FNIP1: variants seen among roughly 807,000 people sequenced by gnomAD.
FNIP1 encodes folliculin interacting protein 1.
Under a neutral mutation model 124.5 loss-of-function variants are expected in FNIP1, and 40 were observed. The ratio of observed to expected loss-of-function variants is 0.32; its 90% CI spans 0.25 to 0.42. The LOEUF is 0.42. Among genes scored for constraint, FNIP1 ranks in the 10% least tolerant of loss-of-function variants. The probability of loss-of-function intolerance (pLI) is 1.00; values close to 1 mark genes in which losing one functional copy is unlikely to be tolerated. For synonymous variants in FNIP1, 472 were observed against 470.6 expected, an observed-to-expected ratio of 1.00 and a Z score of -0.04; for missense variants, 1,176 against 1,403.7, an observed-to-expected ratio of 0.84 and a Z score of 2.59.
intron 1 of FNIP1, among the ~76,000 whole-genome samples, chr5:131,785,928 T>C (rs758650701): frequency 3.3e-5 from 5 of 152,196 alleles, no homozygotes; most frequent in Non-Finnish European, 7.3e-5. Flanking sequence ...TATTCTAAAG[T>C]AACTAGAAAT....
At chr5:131,777,833 TG>T (rs1303696568) in intron 1 of FNIP1, among the ~76,000 whole-genome samples, 3 of 152,190 alleles carry the variant, frequency 2.0e-5, no homozygotes, top group Non-Finnish European at 2.9e-5. Flanking sequence ...TACAAATTCC[TG>T]GGGGTGGGGT....
At chr5:131,737,925 C>T (rs1396543389) in intron 2 of FNIP1, among the ~76,000 whole-genome samples, 1 of 152,182 alleles carries the variant, frequency 6.6e-6, no homozygotes, top group African/African-American at 2.4e-5. Context: ...GCACCAGTTT[C>T]GTGCAAGACA....
chr5:131,759,036 G>A (rs990614906), intron 1 of FNIP1, among the ~76,000 whole-genome samples: 11 of 152,036 alleles, frequency 7.2e-5, no homozygotes, highest in Non-Finnish European at 1.6e-4. Flanking sequence ...TTAAATAAAA[G>A]GTGCTGGGAT....
intron 1 of FNIP1, among the ~76,000 whole-genome samples, chr5:131,758,585 T>C (rs1771124518): frequency 6.6e-6 from 1 of 152,240 alleles, no homozygotes; most frequent in Non-Finnish European, 1.5e-5. Flanking sequence ...TATTTAAACG[T>C]TGGTAAGAAA....
rs140177134 is a variant in FNIP1, at chr5:131,791,923, T to C, written c.92+4907A>G. On this transcript the variant is annotated intron_variant, in intron 1 of 17. Coordinates refer to ENST00000510461, the MANE Select transcript of FNIP1 (RefSeq NM_133372.3). ...TAGCAAATTAGCAAAAGCCATACTA[T>C]GTAGAATGGGCAAAAGCCATCCTTT... Among the ~76,000 whole-genome samples the C allele has an allele frequency of 4.2e-3, 643 of 152,122 alleles. 2 individuals are homozygous for C. The highest frequency in any genetic ancestry group is 6.0e-3 in the South Asian group (29 of 4,824).
chr5:131,776,468 A>G (rs1380404243), intron 1 of FNIP1, among the ~76,000 whole-genome samples: 1 of 152,248 alleles, frequency 6.6e-6, no homozygotes, highest in African/African-American at 2.4e-5. Context: ...ATAGTCAAAA[A>G]TTGGAAATAA....
chr5:131,704,288 A>G, intron 9 of FNIP1, 22 bp from the exon 10 acceptor site: 1 of 1,512,790 alleles, frequency 6.6e-7, no homozygotes. Flanking sequence ...ATGATTTTTT[A>G]TTAATTTACA....
chr5:131,748,370 A>G (rs553146881), intron 1 of FNIP1, among the ~76,000 whole-genome samples: 13 of 152,272 alleles, frequency 8.5e-5, no homozygotes, highest in African/African-American at 3.1e-4. Context: ...TACGGATACA[A>G]TTATGTAAAA....
chr5:131,738,989 T>C (rs1362890803), intron 2 of FNIP1, among the ~76,000 whole-genome samples: 2 of 152,008 alleles, frequency 1.3e-5, no homozygotes, highest in African/African-American at 4.8e-5. Context: ...CTAATTTTTA[T>C]GTTTTCTGTA....
At chr5:131,713,200 C>T (rs185502160) in intron 6 of FNIP1, among the ~76,000 whole-genome samples, 2 of 152,144 alleles carry the variant, frequency 1.3e-5, no homozygotes, top group Non-Finnish European at 2.9e-5. Flanking sequence ...CCCGCCACCA[C>T]GCCCGGCTAA....
intron 16 of FNIP1, among the ~76,000 whole-genome samples, chr5:131,649,335 C>A (rs965622922): frequency 2.0e-5 from 3 of 152,062 alleles, no homozygotes; most frequent in African/African-American, 7.2e-5. Context: ...TTTGTGGATT[C>A]TTTTTATCAT....
chr5:131,700,882 T>C (rs980547557), intron 10 of FNIP1, among the ~76,000 whole-genome samples: 5 of 152,234 alleles, frequency 3.3e-5, no homozygotes, highest in Non-Finnish European at 1.5e-5. Context: ...CATTCACTTA[T>C]GTAAAAGCAT....
chr5:131,676,025 A>AT (rs34505070), intron 13 of FNIP1, among the ~76,000 whole-genome samples: 208 of 140,462 alleles, frequency 1.5e-3, no homozygotes, highest in Middle Eastern at 7.3e-3. Context: ...CGCCCAGCTA[A>AT]TTTTTTTTTT....
At chr5:131,755,420 TAA>T (rs544194641) in intron 1 of FNIP1, among the ~76,000 whole-genome samples, 3 of 118,934 alleles carry the variant, frequency 2.5e-5, no homozygotes, top group Non-Finnish European at 3.6e-5. Context: ...GACTCAATCT[TAA>T]AAAAAAAAAA....
intron 1 of FNIP1, among the ~76,000 whole-genome samples, chr5:131,772,280 A>C (rs1771660799): frequency 6.6e-6 from 1 of 152,060 alleles, no homozygotes. Flanking sequence ...AGGTACAGGG[A>C]ACTTTCTGGG....
intron 1 of FNIP1, among the ~76,000 whole-genome samples, chr5:131,780,813 T>C (rs1161195991): frequency 1.3e-5 from 2 of 152,144 alleles, no homozygotes; most frequent in African/African-American, 2.4e-5. Flanking sequence ...ACATACCATA[T>C]GGAAATTAGG....
chr5:131,786,208 T>A (rs982862208), intron 1 of FNIP1, among the ~76,000 whole-genome samples: 2 of 152,254 alleles, frequency 1.3e-5, no homozygotes, highest in African/African-American at 4.8e-5. Context: ...ACTATTTTTA[T>A]TCATTTGTTC....
chr5:131,677,659 C>A, intron 13 of FNIP1, 44 bp downstream of exon 13: 2 of 1,503,982 alleles, frequency 1.3e-6, no homozygotes, highest in South Asian at 1.3e-5. Context: ...CAGATAGCTA[C>A]AAAAAAGTCT....
intron 15 of FNIP1, among the ~76,000 whole-genome samples, chr5:131,653,351 A>G (rs1767098106): frequency 6.6e-6 from 1 of 152,160 alleles, no homozygotes; most frequent in Non-Finnish European, 1.5e-5. Context: ...CAACCTGGCC[A>G]ATATGGTGAA....
Sources: gnomAD v4.1 joint callset for allele counts (sites outside exome capture counted in the v4.1 genomes callset) on GRCh38, gnomAD v4.1.1 for gene constraint, MANE v1.5 for transcripts, NCBI Gene and HGNC (gene_info 2026-07-23, HGNC 2026-07-21) for gene names.